The following ADAMTS12 variants were observed in gnomAD, a reference collection of about 807,000 sequenced individuals.
ADAMTS12 encodes the protein ADAM metallopeptidase with thrombospondin type 1 motif 12.
A neutral mutation model predicts 167.8 loss-of-function variants in ADAMTS12; 118 were observed. That is an observed-to-expected ratio of 0.70 (90% confidence interval 0.61 to 0.82). ADAMTS12 has a LOEUF of 0.82. Among genes scored for constraint, ADAMTS12 ranks in the 40% least tolerant of loss-of-function variants. The pLI, the probability that ADAMTS12 is intolerant of heterozygous loss-of-function variation, is 0.00. For synonymous variants in ADAMTS12, 704 were observed against 716.9 expected (o/e 0.98, Z 0.29); for missense variants, 1,916 against 1,998.8 (o/e 0.96, Z 0.79).
rs1352418327 is a variant in ADAMTS12, at chr5:33,588,701, G to A, written c.2763C>T (p.Leu921=). Reference sequence around the variant, plus strand: ...GCAGGTGCTGGCAGTCTGTGGGCGGGAGAGCCTGCTCGTCAGAGACCATGG... The same window carrying A: ...GCAGGTGCTGGCAGTCTGTGGGCGGAAGAGCCTGCTCGTCAGAGACCATGG... ...IQTMVSDEQA[L]PPTDCQHLLK... is the part of the protein sequence containing the mutation. Residue 921 remains leucine (L), a synonymous_variant, in exon 18 of 24, where the codon CTC becomes CTT. Coordinates refer to ENST00000504830, the MANE Select transcript of ADAMTS12 (RefSeq NM_030955.4). 3 of 1,614,092 alleles carry A rather than the reference G, an allele frequency of 1.9e-6. No homozygotes were observed. Among genetic ancestry groups the A allele is most frequent in the African/African-American group, 1.3e-5 (1 of 75,042 alleles).
intron 2 of ADAMTS12, among the ~76,000 whole-genome samples, chr5:33,849,532 A>G (rs976954212): frequency 6.8e-6 from 1 of 146,508 alleles, no homozygotes; most frequent in Non-Finnish European, 1.5e-5. Flanking sequence ...TGTATTGCAT[A>G]GCAATATATA....
At chr5:33,802,747 C>A (rs963291801) in intron 2 of ADAMTS12, among the ~76,000 whole-genome samples, 4 of 152,194 alleles carry the variant, frequency 2.6e-5, no homozygotes, top group Admixed American at 6.5e-5. Flanking sequence ...CAAGTAAATT[C>A]TTGGACATCC....
chr5:33,775,284 T>C (rs542246471), intron 2 of ADAMTS12, among the ~76,000 whole-genome samples: 1 of 152,158 alleles, frequency 6.6e-6, no homozygotes, highest in Non-Finnish European at 1.5e-5. Context: ...ACTTATACTT[T>C]GGGCAACAAA....
At chr5:33,667,836 G>A (rs1274565459) in intron 5 of ADAMTS12, among the ~76,000 whole-genome samples, 1 of 152,140 alleles carries the variant, frequency 6.6e-6, no homozygotes, top group Admixed American at 6.6e-5. Context: ...TATTAATTAG[G>A]CTACCAGAGG....
intron 20 of ADAMTS12, among the ~76,000 whole-genome samples, chr5:33,557,547 T>A (rs2111871205): frequency 6.6e-6 from 1 of 152,226 alleles, no homozygotes; most frequent in African/African-American, 2.4e-5. Flanking sequence ...GGAGTATTGT[T>A]TGAGCCCAGG....
chr5:33,872,202 C>T (rs1169130155), intron 2 of ADAMTS12, among the ~76,000 whole-genome samples: 2 of 152,156 alleles, frequency 1.3e-5, no homozygotes, highest in African/African-American at 4.8e-5. Context: ...CTTTCTAACT[C>T]ATTCCGTGGG....
In ADAMTS12 at chr5:33,752,834, G is replaced by A. The variant is rs942490390; in HGVS notation, c.490-1286C>T. On this transcript the variant is annotated intron_variant, in intron 2 of 23. Coordinates refer to ENST00000504830, the MANE Select transcript of ADAMTS12 (RefSeq NM_030955.4). Reference sequence around the variant, plus strand: ...AGCTGAGGAGCCCCCACAGTCAGGAGGCAAGAGGGGCTCCAACAAAGGGGG... The same window carrying A: ...AGCTGAGGAGCCCCCACAGTCAGGAAGCAAGAGGGGCTCCAACAAAGGGGG... Among the ~76,000 whole-genome samples, 4 of 152,218 alleles carry A rather than the reference G, an allele frequency of 2.6e-5. No homozygotes were observed. In the South Asian group the frequency reaches 8.3e-4, roughly 32 times the overall value.
At chr5:33,542,840 A>G (rs1387635125) in intron 22 of ADAMTS12, among the ~76,000 whole-genome samples, 1 of 152,244 alleles carries the variant, frequency 6.6e-6, no homozygotes, top group Non-Finnish European at 1.5e-5. Flanking sequence ...AATGTACCAG[A>G]ATCTCTGGGA....
At chr5:33,549,047 C>T (rs1745120941) in intron 21 of ADAMTS12, among the ~76,000 whole-genome samples, 160 bp downstream of exon 21, 1 of 152,232 alleles carries the variant, frequency 6.6e-6, no homozygotes, top group African/African-American at 2.4e-5. Flanking sequence ...GTGTTAGACC[C>T]ATTCAGCTTC....
chr5:33,584,565 A>T lies in ADAMTS12; in HGVS notation c.2865+4034T>A, dbSNP rs145877339. Among the ~76,000 whole-genome samples, 634 of 152,360 alleles carry T rather than the reference A, an allele frequency of 4.2e-3. 7 individuals are homozygous for T. The highest frequency in any genetic ancestry group is 0.014 in the African/African-American group (602 of 41,588). On this transcript the variant is annotated intron_variant, in intron 18 of 23. Transcript: ENST00000504830. ...TGAACAAGGTTTGCAAAATCAGAGTAGCATGGAAAACAGACTTTTGTCTTC... is the reference window on the plus strand; with the variant it reads ...TGAACAAGGTTTGCAAAATCAGAGTTGCATGGAAAACAGACTTTTGTCTTC...
intron 16 of ADAMTS12, among the ~76,000 whole-genome samples, chr5:33,602,006 C>T (rs1738212207): frequency 9.0e-6 from 1 of 111,406 alleles, no homozygotes; most frequent in Admixed American, 8.9e-5. Context: ...GTGTCCAAGT[C>T]AGGGACCTCA....
intron 16 of ADAMTS12, among the ~76,000 whole-genome samples, chr5:33,613,445 T>C (rs1356678789): frequency 6.6e-6 from 1 of 152,162 alleles, no homozygotes; most frequent in Non-Finnish European, 1.5e-5. Flanking sequence ...TGCAGTTAGA[T>C]GGTGCCCATG....
intron 2 of ADAMTS12, among the ~76,000 whole-genome samples, chr5:33,827,933 G>A (rs1221431043): frequency 6.6e-6 from 1 of 152,106 alleles, no homozygotes; most frequent in Non-Finnish European, 1.5e-5. Flanking sequence ...ATTCCATAGT[G>A]TGTATTTGCT....
intron 18 of ADAMTS12, among the ~76,000 whole-genome samples, chr5:33,579,039 G>A (rs1463653773): frequency 2.0e-5 from 3 of 152,190 alleles, no homozygotes; most frequent in Non-Finnish European, 4.4e-5. Flanking sequence ...CCAACAGGGA[G>A]GAAACAGTCT....
At chr5:33,718,560 A>G (rs1554037666) in intron 3 of ADAMTS12, among the ~76,000 whole-genome samples, 1 of 151,368 alleles carries the variant, frequency 6.6e-6, no homozygotes, top group Non-Finnish European at 1.5e-5. Context: ...AAACTATCCC[A>G]CCCCCTCCCA....
chr5:33,648,684 C>G lies in ADAMTS12; in HGVS notation c.1479+138G>C, dbSNP rs72741407. ...ATTCCAGCTTAATTGTTTTCCCTTA[C>G]AGACACACCTTGCCTTAAATATAAA... On this transcript the variant is annotated intron_variant, in intron 9 of 23. Coordinates refer to ENST00000504830, the MANE Select transcript of ADAMTS12 (RefSeq NM_030955.4). 8.0e-3 allele frequency: 8,832 copies of G among 1,101,126 alleles called. 46 individuals carry two copies. Among genetic ancestry groups the G allele is most frequent in the Non-Finnish European group, 0.01 (7,730 of 770,858 alleles). 68.2% of individuals were successfully genotyped at this position (1,101,126 alleles called of 1,614,324 possible). A position where few individuals can be genotyped will look rare whatever the true frequency, so the allele number is the denominator to read the frequency against.
intron 16 of ADAMTS12, among the ~76,000 whole-genome samples, chr5:33,610,447 G>T (rs867588332): frequency 6.6e-6 from 1 of 152,080 alleles, no homozygotes; most frequent in Non-Finnish European, 1.5e-5. Context: ...GAACTACCTC[G>T]AGCAGGTAGT....
At chr5:33,553,233 G>C (rs1405216710) in intron 20 of ADAMTS12, among the ~76,000 whole-genome samples, 3 of 152,190 alleles carry the variant, frequency 2.0e-5, no homozygotes. Flanking sequence ...TGATGAGGTT[G>C]TGGAGAAAAA....
Position 33,679,373 on chromosome 5 carries a change from G to T in ADAMTS12, c.915+3645C>A, listed in dbSNP as rs185863190. 4.3e-3 allele frequency among the ~76,000 whole-genome samples: 660 copies of T among 152,276 alleles called. 4 individuals carry two copies. Among genetic ancestry groups the T allele is most frequent in the African/African-American group, 0.015 (623 of 41,562 alleles). The stretch of plus-strand genomic sequence containing the variant: ...GTTTAATTGGCTCACAGTTCAGCAT[G>T]GCTTGGGAGGCCTCAGGAAACTTAC... On this transcript the variant is annotated intron_variant, in intron 5 of 23. Transcript: ENST00000504830.
Sources: gnomAD v4.1 joint callset for allele counts (sites outside exome capture counted in the v4.1 genomes callset) on GRCh38, gnomAD v4.1.1 for gene constraint, MANE v1.5 for transcripts, NCBI Gene and HGNC (gene_info 2026-07-23, HGNC 2026-07-21) for gene names.